The following ZFHX3 variants were observed in gnomAD, a reference collection of about 807,000 sequenced individuals.
ZFHX3 encodes the protein zinc finger homeobox protein 3.
A neutral mutation model predicts 279.1 loss-of-function variants in ZFHX3; 42 were observed. The ratio of observed to expected loss-of-function variants is 0.15; its 90% CI spans 0.12 to 0.19. The LOEUF (loss-of-function observed/expected upper bound fraction) is 0.19. ZFHX3 is among the 10% of genes least tolerant of loss of function. ZFHX3 has a pLI of 1.00. For missense variants in ZFHX3, 4,981 were observed against 4,754.0 expected (o/e 1.05, Z -1.40); for synonymous variants, 2,293 against 1,957.8 (o/e 1.17, Z -4.52).
upstream of ZFHX3, among the ~76,000 whole-genome samples, chr16:73,048,760 C>G (rs1204177509): frequency 2.0e-5 from 3 of 152,226 alleles, no homozygotes; most frequent in Admixed American, 6.5e-5. Flanking sequence ...CTTTACAGAG[C>G]ACTTCTGTTT....
chr16:73,214,859 T>C (rs1034499363), intron 5 of ZFHX3, among the ~76,000 whole-genome samples: 1 of 145,116 alleles, frequency 6.9e-6, no homozygotes, highest in African/African-American at 2.5e-5. Flanking sequence ...TTTTTTTTTT[T>C]TTTTTTTTTC....
At chr16:73,288,857 C>T (rs537635208) in intron 4 of ZFHX3, among the ~76,000 whole-genome samples, 59 of 151,754 alleles carry the variant, frequency 3.9e-4, no homozygotes, top group South Asian at 2.9e-3. Flanking sequence ...AATGTCAATG[C>T]GGGGTCTAAG....
intron 4 of ZFHX3, among the ~76,000 whole-genome samples, chr16:73,302,600 C>T (rs2015082049): frequency 6.6e-6 from 1 of 152,208 alleles, no homozygotes; most frequent in South Asian, 2.1e-4. Flanking sequence ...AGCCTCTGGC[C>T]TTGATAACCT....
intron 3 of ZFHX3, among the ~76,000 whole-genome samples, chr16:73,407,993 C>T (rs1444151620): frequency 6.6e-6 from 1 of 150,428 alleles, no homozygotes; most frequent in East Asian, 2.0e-4. Flanking sequence ...GTGATGGCAA[C>T]AGGAGACTTG....
intron 5 of ZFHX3, among the ~76,000 whole-genome samples, chr16:73,241,466 G>A (rs1853611213): frequency 1.3e-5 from 2 of 152,100 alleles, no homozygotes; most frequent in Admixed American, 1.3e-4. Flanking sequence ...GAGGAGAAGT[G>A]TAGTGAGATT....
intron 4 of ZFHX3, among the ~76,000 whole-genome samples, chr16:73,291,211 A>C (rs1436928794): frequency 6.6e-6 from 1 of 152,082 alleles, no homozygotes; most frequent in Non-Finnish European, 1.5e-5. Flanking sequence ...ATCAAACCCC[A>C]CACCAGCTCT....
intron 3 of ZFHX3, among the ~76,000 whole-genome samples, chr16:72,936,306 A>G (rs1423963568): frequency 1.3e-5 from 2 of 152,252 alleles, no homozygotes; most frequent in Non-Finnish European, 2.9e-5. Context: ...CTATGGTTCA[A>G]TATTTATTGA....
intron 5 of ZFHX3, among the ~76,000 whole-genome samples, chr16:72,817,760 C>T (rs1428819587): frequency 6.6e-6 from 1 of 152,178 alleles, no homozygotes; most frequent in Non-Finnish European, 1.5e-5. Context: ...TGCTGATCCT[C>T]TTCCTTTTTG....
intron 2 of ZFHX3, among the ~76,000 whole-genome samples, chr16:73,610,794 A>G (rs116071087): frequency 1.8e-3 from 280 of 152,360 alleles, no homozygotes; most frequent in African/African-American, 6.4e-3. Flanking sequence ...ACACTAGTTT[A>G]GGATTCTGTT....
chr16:73,009,690 A>G (rs562854478), intron 1 of ZFHX3, among the ~76,000 whole-genome samples: 1 of 152,154 alleles, frequency 6.6e-6, no homozygotes, highest in Non-Finnish European at 1.5e-5. Flanking sequence ...AGCAGATGGC[A>G]GGGCCAGCCT....
intron 3 of ZFHX3, among the ~76,000 whole-genome samples, chr16:73,450,182 C>T (rs1216398295): frequency 6.6e-6 from 1 of 152,136 alleles, no homozygotes; most frequent in African/African-American, 2.4e-5. Flanking sequence ...ACCTTAAATC[C>T]ACTCCTATCA....
At chr16:73,110,358 C>A (rs1418887811) in intron 7 of ZFHX3, among the ~76,000 whole-genome samples, 2 of 151,960 alleles carry the variant, frequency 1.3e-5, no homozygotes, top group East Asian at 3.8e-4. Context: ...ATGCCCTTTC[C>A]TTGGTCCTTG....
At position 73,204,192 on chromosome 16, in the gene ZFHX3, C is replaced by T. The variant is rs569184100; in HGVS notation, c.-1104+52855G>A. ...GACAGTTTTTCCACGGACTATGGGT[C>T]GGGGGTAGGGGGAATGGTTTGGGGA... On this transcript the variant is annotated intron_variant, in intron 5 of 17. Transcript: ENST00000641206. Among the ~76,000 whole-genome samples the T allele has an allele frequency of 4.0e-5, 6 of 151,492 alleles. No homozygotes were observed. The East Asian group carries it at 5.8e-4, about 15-fold the overall frequency.
intron 3 of ZFHX3, among the ~76,000 whole-genome samples, chr16:72,907,986 G>A (rs1462294124): frequency 6.6e-6 from 1 of 151,964 alleles, no homozygotes; most frequent in Non-Finnish European, 1.5e-5. Context: ...CCCAGCCCCT[G>A]CTCCTCCAAA....
intron 1 of ZFHX3, among the ~76,000 whole-genome samples, chr16:72,972,972 C>T (rs1306612969): frequency 6.6e-6 from 1 of 152,208 alleles, no homozygotes; most frequent in Non-Finnish European, 1.5e-5. Flanking sequence ...TGTACTCTTC[C>T]CCCTTGGCTC....
intron 2 of ZFHX3, among the ~76,000 whole-genome samples, chr16:73,665,805 T>G (rs2052833212): frequency 7.5e-6 from 1 of 133,514 alleles, no homozygotes; most frequent in Non-Finnish European, 1.5e-5. Context: ...TTTTCTTCAA[T>G]AACTTTTTTT....
intron 3 of ZFHX3, among the ~76,000 whole-genome samples, chr16:72,936,539 G>A (rs1960135403): frequency 6.6e-6 from 1 of 152,218 alleles, no homozygotes; most frequent in African/African-American, 2.4e-5. Context: ...AATGAGAGCT[G>A]AATGTCAAGG....
chr16:73,264,958 GTGTGTATATA>G (rs1009359720), intron 4 of ZFHX3, among the ~76,000 whole-genome samples: 114 of 149,702 alleles, frequency 7.6e-4, no homozygotes, highest in African/African-American at 2.7e-3. Flanking sequence ...ATATATATAT[GTGTGTATATA>G]TGTGTATATA....
At chr16:73,148,667 T>A (rs1966880475) in intron 5 of ZFHX3, among the ~76,000 whole-genome samples, 1 of 147,996 alleles carries the variant, frequency 6.8e-6, no homozygotes, top group Non-Finnish European at 1.5e-5. Context: ...GAAAGTTGGG[T>A]TGGGCATGGT....
Sources: gnomAD v4.1 joint callset for allele counts (sites outside exome capture counted in the v4.1 genomes callset) on GRCh38, gnomAD v4.1.1 for gene constraint, MANE v1.5 for transcripts, NCBI Gene and HGNC (gene_info 2026-07-23, HGNC 2026-07-21) for gene names.